USP6NL: variants seen among roughly 807,000 people sequenced by gnomAD.
USP6NL encodes USP6 N-terminal like, also known as USP6 N-terminal-like protein.
Under a neutral mutation model 61.9 loss-of-function variants are expected in USP6NL, and 26 were observed. That is an observed-to-expected ratio of 0.42 (90% CI 0.31 to 0.58). The LOEUF (loss-of-function observed/expected upper bound fraction) is 0.58, where lower values mean the gene tolerates loss of function less well. Among genes scored for constraint, USP6NL ranks in the 20% least tolerant of loss-of-function variants. The pLI is 0.16. For missense variants in USP6NL, 1,114 were observed against 1,034.3 expected (o/e 1.08, Z -1.06); for synonymous variants, 432 against 390.1 (o/e 1.11, Z -1.27).
At chr10:11,538,368 T>C (rs998096826) in intron 2 of USP6NL, among the ~76,000 whole-genome samples, 4 of 152,188 alleles carry the variant, frequency 2.6e-5, no homozygotes, top group Non-Finnish European at 1.5e-5. Context: ...TATTTCCACA[T>C]CTGTTACCTG....
Position 11,462,531 on chromosome 10 carries a change from T to C in USP6NL, c.2397A>G (p.Pro799=), listed in dbSNP as rs760259978. The stretch of plus-strand genomic sequence containing the variant: ...GGGGCCCTGAATATGGATATCCAGA[T>C]GGACTGGCATCTTCTGCGGCCGGTG... ...KASPAAEDAS[P]SGYPYSGPPP... is the part of the protein sequence containing the mutation. Residue 799 remains proline (P), a synonymous_variant, in exon 15 of 15, where the codon CCA becomes CCG. Coordinates refer to ENST00000609104, the MANE Select transcript of USP6NL (RefSeq NM_014688.5). The C allele has an allele frequency of 2.5e-6, 4 of 1,613,922 alleles. No homozygotes were observed. Among genetic ancestry groups the C allele is most frequent in the African/African-American group, 2.7e-5 (2 of 74,926 alleles).
chr10:11,579,409 A>G (rs1837664179), intron 2 of USP6NL, among the ~76,000 whole-genome samples: 1 of 152,202 alleles, frequency 6.6e-6, no homozygotes, highest in South Asian at 2.1e-4. Context: ...GATAGTCCCC[A>G]TCTATCACTG....
intron 7 of USP6NL, among the ~76,000 whole-genome samples, chr10:11,500,151 A>G (rs1566138554): frequency 1.3e-5 from 2 of 152,298 alleles, no homozygotes; most frequent in Admixed American, 1.3e-4. Context: ...GGAACAAAAC[A>G]TAGTGGGGCC....
At position 11,510,351 on chromosome 10, in the gene USP6NL, G is replaced by C. The variant is rs1196561281; in HGVS notation, c.196-676C>G. Among the ~76,000 whole-genome samples the C allele has an allele frequency of 1.3e-5, 2 of 152,110 alleles. No individual in the cohort carries two copies. The highest frequency in any genetic ancestry group is 2.9e-5 in the Non-Finnish European group (2 of 68,014). On this transcript the variant is annotated intron_variant, in intron 5 of 14. Transcript: ENST00000609104. The surrounding 1 kb of genome is among the most constrained non-coding windows in gnomAD (Gnocchi z 4.8). Reference sequence around the variant, plus strand: ...AAAATGAGGAACAGAGAGATTATTAGGGTTTGTTTTTTTTTAATCAAATGC... The same window carrying C: ...AAAATGAGGAACAGAGAGATTATTACGGTTTGTTTTTTTTTAATCAAATGC...
In USP6NL at chr10:11,542,117, A is replaced by C. The variant is rs374242486; in HGVS notation, c.5-14550T>G. ...TAAGTGAATGACAATCAGATGAAGA[A>C]TATAAAGACCAGCTTTTCCTTGGAG... On this transcript the variant is annotated intron_variant, in intron 2 of 14. Transcript: ENST00000609104. 1.1e-4 allele frequency among the ~76,000 whole-genome samples: 16 copies of C among 152,324 alleles called. No individual in the cohort carries two copies. The East Asian group carries it at 2.5e-3, about 24-fold the overall frequency.
intron 2 of USP6NL, chr10:11,564,828 T>C (rs960707489): frequency 2.6e-5 from 4 of 152,228 alleles, no homozygotes; most frequent in African/African-American, 9.6e-5. Flanking sequence ...ACATATACAT[T>C]TGATTTATAT....
intron 2 of USP6NL, among the ~76,000 whole-genome samples, chr10:11,577,792 G>C (rs1837607260): frequency 6.6e-6 from 1 of 151,780 alleles, no homozygotes; most frequent in Non-Finnish European, 1.5e-5. Context: ...TGAGCCACCA[G>C]GCCAAAGTGC....
At chr10:11,517,344 T>C (rs1017363891) in intron 5 of USP6NL, among the ~76,000 whole-genome samples, 1 of 152,166 alleles carries the variant, frequency 6.6e-6, no homozygotes, top group African/African-American at 2.4e-5. Flanking sequence ...TCTCAGTCAT[T>C]CCTCAGCTAC....
rs773626584 is a variant in USP6NL at position 11,462,814 on chromosome 10, G to A, written c.2114C>T (p.Thr705Ile). Residue 705 changes from threonine (T) to isoleucine (I), a missense_variant, in exon 15 of 15, where the codon ACT (threonine) becomes ATT (isoleucine). Physicochemically the swap from Thr to Ile is moderately conservative, Grantham distance 89 (BLOSUM62 -1). Transcript: ENST00000609104. ...ATTGCCCGAATATCCCCCAGCACCA[G>A]TGTCAACAGGGAGGACTTCTATTCG... ...SSRIEVLPVD[T>I]GAGGYSGNSG... 1.2e-6 allele frequency: 2 copies of A among 1,614,034 alleles called. No individual in the cohort carries two copies. Among genetic ancestry groups the A allele is most frequent in the Admixed American group, 1.7e-5 (1 of 60,022 alleles).
Position 11,462,864 on chromosome 10 carries a change from T to G in USP6NL, c.2064A>C (p.Pro688=), listed in dbSNP as rs748737095. The part of the protein sequence containing the change: ...SASPEKSYSR[P]SPLVLPSSRI... ...GACTAGACGGCAGTACAAGGGGGCT[T>G]GGGCGGCTGTAAGATTTCTCCGGAG... Residue 688 remains proline, a synonymous_variant, in exon 15 of 15, where the codon CCA becomes CCC. Transcript: ENST00000609104. 1 of 1,613,890 alleles carries G rather than the reference T, an allele frequency of 6.2e-7. No individual in the cohort carries two copies. Among genetic ancestry groups the G allele is most frequent in the Non-Finnish European group, 8.5e-7 (1 of 1,179,862 alleles).
chr10:11,543,124 T>C (rs1836132763), intron 2 of USP6NL, among the ~76,000 whole-genome samples: 1 of 152,216 alleles, frequency 6.6e-6, no homozygotes, highest in South Asian at 2.1e-4. Context: ...AGGTCATTCA[T>C]ATTTGAATGA....
rs927309246 is a variant in USP6NL, at chr10:11,470,280, C to T, written c.1079-6431G>A. Among the ~76,000 whole-genome samples the T allele has an allele frequency of 2.6e-5, 4 of 152,138 alleles. No homozygotes were observed. Among genetic ancestry groups the T allele is most frequent in the Admixed American group, 1.3e-4 (2 of 15,274 alleles). ...CGCAGGGAACCTCATGGAGGGCCCG[C>T]GGGGACTCGCTGGCTTTTCACAGCC... On this transcript the variant is annotated intron_variant, in intron 14 of 14. Transcript: ENST00000609104. The surrounding 1 kb of genome is among the most constrained non-coding windows in gnomAD (Gnocchi z 5.4).
At chr10:11,543,803 G>GGTTTTT (rs1836161546) in intron 2 of USP6NL, among the ~76,000 whole-genome samples, 3 of 76,392 alleles carry the variant, frequency 3.9e-5, no homozygotes, top group African/African-American at 1.4e-4. Flanking sequence ...AAATATTTAG[G>GGTTTTT]TTTTTTTTTT....
At chr10:11,558,248 TACA>T (rs1360873693) in intron 2 of USP6NL, among the ~76,000 whole-genome samples, 2 of 152,192 alleles carry the variant, frequency 1.3e-5, no homozygotes, top group South Asian at 2.1e-4. Flanking sequence ...TATAAGTATG[TACA>T]ACAAGTATAC....
rs1202415429 is a variant in USP6NL, at chr10:11,468,091, G to A, written c.1079-4242C>T. ...TGGCATCGCTTGATGGAGTCATGAT[G>A]AGTGATCACCTTCTTTGCTTTCTGA... On this transcript the variant is annotated intron_variant, in intron 14 of 14. Coordinates refer to ENST00000609104, the MANE Select transcript of USP6NL (RefSeq NM_014688.5). This position sits in a 1 kb window ranked among gnomAD's most constrained non-coding sequence, Gnocchi z 4.5. Among the ~76,000 whole-genome samples the A allele has an allele frequency of 6.6e-6, 1 of 152,192 alleles. No homozygotes were observed. Among genetic ancestry groups the A allele is most frequent in the Non-Finnish European group, 1.5e-5 (1 of 68,034 alleles).
In USP6NL at chr10:11,496,231, G is replaced by A. The variant is rs1833918962; in HGVS notation, c.385-3003C>T. On this transcript the variant is annotated intron_variant, in intron 7 of 14. Coordinates refer to ENST00000609104, the MANE Select transcript of USP6NL (RefSeq NM_014688.5). The surrounding 1 kb of genome is among the most constrained non-coding windows in gnomAD (Gnocchi z 5.4). ...CTTGGGCTAGCACTGAGGGAGCTAA[G>A]GAGCTCTAACTGCTTCTGAAACAGA... Among the ~76,000 whole-genome samples, 1 of 152,220 alleles carries A rather than the reference G, an allele frequency of 6.6e-6. No individual in the cohort carries two copies. Among genetic ancestry groups the A allele is most frequent in the African/African-American group, 2.4e-5 (1 of 41,458 alleles).
chr10:11,609,058 T>G, intron 1 of USP6NL, among the ~76,000 whole-genome samples: 1 of 151,874 alleles, frequency 6.6e-6, no homozygotes. Context: ...ATGCTTTTCT[T>G]TTCTTTTCTT....
chr10:11,542,654 G>A (rs564429293), intron 2 of USP6NL, among the ~76,000 whole-genome samples: 1 of 152,282 alleles, frequency 6.6e-6, no homozygotes, highest in East Asian at 1.9e-4. Flanking sequence ...GGGAGACAGA[G>A]TTTGCAAGGA....
chr10:11,496,524 T>G lies in USP6NL; in HGVS notation c.385-3296A>C, dbSNP rs902319456. ...TTATAATAAAAACTCTGCTATCAATTTAGTGGCATTTCAAGGGAAAGGGAG... is the reference window on the plus strand; with the variant it reads ...TTATAATAAAAACTCTGCTATCAATGTAGTGGCATTTCAAGGGAAAGGGAG... On this transcript the variant is annotated intron_variant, in intron 7 of 14. Transcript: ENST00000609104. This position sits in a 1 kb window ranked among gnomAD's most constrained non-coding sequence, Gnocchi z 5.4. Among the ~76,000 whole-genome samples the G allele has an allele frequency of 1.3e-5, 2 of 152,212 alleles. No individual in the cohort carries two copies. The highest frequency in any genetic ancestry group is 4.8e-5 in the African/African-American group (2 of 41,438).
Sources: allele counts gnomAD v4.1 joint callset (sites outside exome capture counted in the v4.1 genomes callset), GRCh38; gene constraint gnomAD v4.1.1; non-coding constraint Gnocchi (gnomAD v3.1); transcripts MANE v1.5; gene names NCBI Gene and HGNC (gene_info 2026-07-23, HGNC 2026-07-21).